Variants in KCNG2 observed in about 807,000 individuals in gnomAD.
KCNG2 encodes voltage-gated potassium channel regulatory subunit KCNG2.
KCNG2 carries 7 observed loss-of-function variants against 12.3 expected under a neutral mutation model. That is an observed-to-expected ratio of 0.57 (90% CI 0.32 to 1.07). The LOEUF (loss-of-function observed/expected upper bound fraction) is 1.07. KCNG2 is among the 50% of genes least tolerant of loss of function. The pLI, the probability that KCNG2 is intolerant of heterozygous loss-of-function variation, is 0.04. For synonymous variants in KCNG2, 414 were observed against 351.4 expected (o/e 1.18, Z -1.99); for missense variants, 703 against 726.0 (o/e 0.97, Z 0.36).
At chr18:79,807,867 T>C (rs371129758) in intron 1 of KCNG2, among the ~76,000 whole-genome samples, 1,151 of 48,576 alleles carry the variant, frequency 0.024, 13 homozygotes, top group South Asian at 0.044. Context: ...CTCCACGTTA[T>C]GGGCCCAGAG....
rs1028494110 is a variant in KCNG2, at chr18:79,800,204, C to T, written c.-115+2190C>T. ...TGCCGACAGGCATGAGCTCTGGGGG[C>T]CGGGAGGGGTGGTAGGGCCTGCAGG... On this transcript the variant is annotated intron_variant, in intron 1 of 3. Transcript: ENST00000316249. The surrounding 1 kb of genome is among the most constrained non-coding windows in gnomAD (Gnocchi z 4.0). Among the ~76,000 whole-genome samples the T allele has an allele frequency of 2.6e-5, 4 of 151,972 alleles. No individual in the cohort carries two copies. The highest frequency in any genetic ancestry group is 9.7e-5 in the African/African-American group (4 of 41,350).
chr18:79,799,424 G>A (rs2087390510), intron 1 of KCNG2, among the ~76,000 whole-genome samples: 1 of 152,202 alleles, frequency 6.6e-6, no homozygotes, highest in South Asian at 2.1e-4. Context: ...TTCCTAGTTA[G>A]AGGGATGGGA....
chr18:79,870,167 A>C, intron 3 of KCNG2, among the ~76,000 whole-genome samples: 1 of 152,098 alleles, frequency 6.6e-6, no homozygotes, highest in East Asian at 1.9e-4. Flanking sequence ...TCTTCTCCCC[A>C]CCGTCTGCTC....
intron 1 of KCNG2, among the ~76,000 whole-genome samples, chr18:79,828,819 CGT>C (rs759976134): frequency 4.1e-4 from 38 of 92,376 alleles, no homozygotes; most frequent in Admixed American, 5.9e-4. Flanking sequence ...TCTATGTGTG[CGT>C]GTGTGTAACA....
At chr18:79,861,339 C>T (rs570664332) in intron 2 of KCNG2, among the ~76,000 whole-genome samples, 21 of 145,292 alleles carry the variant, frequency 1.4e-4, no homozygotes, top group Non-Finnish European at 2.7e-4. Flanking sequence ...ACTGCAGTGG[C>T]GCGATCTCGG....
chr18:79,811,746 A>G (rs1319113724), intron 1 of KCNG2, among the ~76,000 whole-genome samples: 1 of 152,252 alleles, frequency 6.6e-6, no homozygotes, highest in Non-Finnish European at 1.5e-5. Flanking sequence ...AAATGAAGGA[A>G]TAGAAAATCT....
intron 1 of KCNG2, among the ~76,000 whole-genome samples, chr18:79,798,495 G>A (rs2087381583): frequency 6.6e-6 from 1 of 152,196 alleles, no homozygotes; most frequent in African/African-American, 2.4e-5. Flanking sequence ...CGGAGAGCGG[G>A]CGGGGTGTGG....
intron 1 of KCNG2, among the ~76,000 whole-genome samples, chr18:79,829,845 A>G (rs1482772022): frequency 2.0e-5 from 3 of 152,164 alleles, no homozygotes; most frequent in African/African-American, 7.2e-5. Flanking sequence ...CTTACATTTC[A>G]GGGTGTGATA....
In KCNG2 at chr18:79,885,073, A is replaced by C. The variant is rs190013475; in HGVS notation, c.625-13967A>C. ...ACCTGAGACCACAGACCCCACCCTG[A>C]CAGTAGAGGGCAGAAGCTGCCAGGA... is the stretch of plus-strand genomic sequence containing the variant. On this transcript the variant is annotated intron_variant, in intron 3 of 3. Transcript: ENST00000316249. 7.9e-5 allele frequency among the ~76,000 whole-genome samples: 12 copies of C among 152,208 alleles called. No individual in the cohort carries two copies. The East Asian group carries it at 2.3e-3, about 30-fold the overall frequency.
intron 1 of KCNG2, among the ~76,000 whole-genome samples, chr18:79,824,203 T>A (rs2087594775): frequency 3.3e-5 from 5 of 152,232 alleles, no homozygotes; most frequent in Admixed American, 3.3e-4. Context: ...TTCGCCATTT[T>A]GCCCAAACTG....
Position 79,834,593 on chromosome 18 carries a change from A to G in KCNG2, c.-114-21786A>G, listed in dbSNP as rs552455791. Among the ~76,000 whole-genome samples the G allele has an allele frequency of 2.0e-4, 30 of 152,364 alleles. 2 individuals are homozygous for G. The South Asian group carries it at 6.0e-3, about 31-fold the overall frequency. Reference sequence around the variant, plus strand: ...TATTTAATGGTACTCAAACAAACAAACAAACAGCTGGTGGGGATGTGGGGT... The same window carrying G: ...TATTTAATGGTACTCAAACAAACAAGCAAACAGCTGGTGGGGATGTGGGGT... On this transcript the variant is annotated intron_variant, in intron 1 of 3. Transcript: ENST00000316249.
chr18:79,813,532 C>T (rs1449721871), intron 1 of KCNG2, among the ~76,000 whole-genome samples: 1 of 152,214 alleles, frequency 6.6e-6, no homozygotes, highest in Non-Finnish European at 1.5e-5. Context: ...TGCAGTTGGT[C>T]ATCCATGGGT....
At chr18:79,833,725 C>G (rs1978308654) in intron 1 of KCNG2, among the ~76,000 whole-genome samples, 1 of 152,176 alleles carries the variant, frequency 6.6e-6, no homozygotes, top group Non-Finnish European at 1.5e-5. Context: ...AAATGAACAT[C>G]AGTAATTAGG....
intron 3 of KCNG2, among the ~76,000 whole-genome samples, chr18:79,865,886 TGAGAAGTCTGTGCTGA>T: frequency 1.5e-5 from 1 of 68,412 alleles, no homozygotes; most frequent in East Asian, 4.6e-4. Flanking sequence ...GTCTGGGTGC[TGAGAAGTCTGTGCTGA>T]GAGGTCTGTG....
At chr18:79,817,433 A>G (rs1228031647) in intron 1 of KCNG2, among the ~76,000 whole-genome samples, 1 of 152,218 alleles carries the variant, frequency 6.6e-6, no homozygotes, top group African/African-American at 2.4e-5. Flanking sequence ...ACACAGTGTC[A>G]CATGGCTGTC....
chr18:79,819,526 G>A (rs1050036308), intron 1 of KCNG2, among the ~76,000 whole-genome samples: 3 of 152,224 alleles, frequency 2.0e-5, no homozygotes, highest in African/African-American at 7.2e-5. Context: ...ATCGGGCTGT[G>A]TTGGGCCTGG....
chr18:79,876,280 T>C (rs1980067887), intron 3 of KCNG2: 1 of 152,458 alleles, frequency 6.6e-6, no homozygotes, highest in African/African-American at 2.4e-5. Context: ...TAGGCAGGTA[T>C]GATTGAGCTG....
At chr18:79,850,002 G>A (rs1054864712) in intron 1 of KCNG2, among the ~76,000 whole-genome samples, 13 of 152,314 alleles carry the variant, frequency 8.5e-5, no homozygotes, top group African/African-American at 3.1e-4. Flanking sequence ...CGCACCTAAA[G>A]GGCTGACAGG....
chr18:79,812,584 G>C (rs1452453179), intron 1 of KCNG2, among the ~76,000 whole-genome samples: 3 of 152,174 alleles, frequency 2.0e-5, no homozygotes, highest in Non-Finnish European at 4.4e-5. Context: ...CTATAAGCCG[G>C]GCCTGGTGGC....
Sources: gnomAD v4.1 joint callset for allele counts (sites outside exome capture counted in the v4.1 genomes callset) on GRCh38, gnomAD v4.1.1 for gene constraint, Gnocchi (gnomAD v3.1) non-coding constraint, MANE v1.5 for transcripts, NCBI Gene and HGNC (gene_info 2026-07-23, HGNC 2026-07-21) for gene names.